The following PARD3 variants were observed in gnomAD, a reference collection of about 807,000 sequenced individuals.
PARD3 encodes the protein partitioning defective 3 homolog.
In PARD3, 75 loss-of-function variants were observed where a neutral mutation model predicts 155.4. That is an observed-to-expected ratio of 0.48 (90% CI 0.40 to 0.58). The LOEUF (loss-of-function observed/expected upper bound fraction) is 0.58, where lower values mean the gene tolerates loss of function less well. Among genes scored for constraint, PARD3 ranks in the 20% least tolerant of loss-of-function variants. The probability of loss-of-function intolerance (pLI) is 0.00; values close to 1 mark genes in which losing one functional copy is unlikely to be tolerated. For missense variants in PARD3, 1,642 were observed against 1,721.7 expected (o/e 0.95, Z 0.82); for synonymous variants, 576 against 610.5 (o/e 0.94, Z 0.83).
chr10:34,288,040 G>A (rs372470568), intron 20 of PARD3, among the ~76,000 whole-genome samples: 2 of 151,930 alleles, frequency 1.3e-5, no homozygotes, highest in African/African-American at 2.4e-5. Context: ...ATGAAACCCC[G>A]TCTCTACTAA....
intron 14 of PARD3, among the ~76,000 whole-genome samples, chr10:34,356,707 G>A (rs900757363): frequency 1.3e-5 from 2 of 152,194 alleles, no homozygotes; most frequent in Admixed American, 1.3e-4. Context: ...GTGCAAAGGA[G>A]AAGGTTTTCC....
At chr10:34,616,630 T>C (rs1029764043) in intron 2 of PARD3, among the ~76,000 whole-genome samples, 3 of 152,292 alleles carry the variant, frequency 2.0e-5, no homozygotes, top group Non-Finnish European at 1.5e-5. Flanking sequence ...TTCTCACTTG[T>C]ACATGGAAGC....
At chr10:34,674,408 G>A (rs2093664449) in intron 2 of PARD3, among the ~76,000 whole-genome samples, 1 of 152,018 alleles carries the variant, frequency 6.6e-6, no homozygotes, top group South Asian at 2.1e-4. Flanking sequence ...CTGCTCTGCG[G>A]GAGCAGCCAC....
intron 5 of PARD3, among the ~76,000 whole-genome samples, chr10:34,443,477 C>A (rs564413993): frequency 4.6e-5 from 7 of 152,106 alleles, no homozygotes; most frequent in Admixed American, 6.5e-5. Context: ...CAGTTCCATG[C>A]GGCTAGGGAG....
intron 20 of PARD3, among the ~76,000 whole-genome samples, chr10:34,311,439 G>T (rs1234052430): frequency 1.3e-5 from 2 of 152,106 alleles, no homozygotes; most frequent in African/African-American, 4.8e-5. Context: ...TACAGTCTCT[G>T]TCTCAAATCC....
intron 2 of PARD3, among the ~76,000 whole-genome samples, chr10:34,535,489 G>A (rs934310053): frequency 1.3e-5 from 2 of 152,044 alleles, no homozygotes; most frequent in African/African-American, 4.8e-5. Flanking sequence ...TATGTTTTGG[G>A]GTTTTGTTTC....
chr10:34,751,689 G>T (rs1332874016), intron 1 of PARD3, among the ~76,000 whole-genome samples: 1 of 151,668 alleles, frequency 6.6e-6, no homozygotes, highest in Non-Finnish European at 1.5e-5. Context: ...CTGCAGCCTC[G>T]ACTTCCCAGG....
chr10:34,530,661 G>C (rs1247075940), intron 2 of PARD3, among the ~76,000 whole-genome samples: 1 of 152,144 alleles, frequency 6.6e-6, no homozygotes, highest in African/African-American at 2.4e-5. Context: ...GTTGTCTCCA[G>C]CAAGAATTTG....
intron 2 of PARD3, among the ~76,000 whole-genome samples, chr10:34,528,751 C>G (rs535759704): frequency 5.2e-4 from 79 of 152,156 alleles, no homozygotes; most frequent in Non-Finnish European, 1.0e-3. Flanking sequence ...TAACACACAG[C>G]AGTTTAACTT....
At chr10:34,343,073 A>C (rs1252615101) in intron 15 of PARD3, among the ~76,000 whole-genome samples, 1 of 152,188 alleles carries the variant, frequency 6.6e-6, no homozygotes, top group Admixed American at 6.6e-5. Context: ...GTTCAGCAAA[A>C]GTGTCATTCA....
At chr10:34,617,864 A>AT (rs1039919113) in intron 2 of PARD3, among the ~76,000 whole-genome samples, 45 of 147,938 alleles carry the variant, frequency 3.0e-4, no homozygotes, top group African/African-American at 8.3e-4. Context: ...TTATACATTT[A>AT]TTTTTTTTTA....
intron 2 of PARD3, among the ~76,000 whole-genome samples, chr10:34,543,107 T>A (rs2083767053): frequency 6.6e-6 from 1 of 151,610 alleles, no homozygotes; most frequent in African/African-American, 2.4e-5. Context: ...AGGCTTTTTT[T>A]TTTCCAATTT....
rs1027315387 is a variant in PARD3 at position 34,287,254 on chromosome 10, A to G, written c.3066-3009T>C. The stretch of plus-strand genomic sequence containing the variant: ...GTATAAGTTCAAATTTTAATACATC[A>G]TTTTACTTATAATGAGGTATTCCGA... On this transcript the variant is annotated intron_variant, in intron 20 of 24. Transcript: ENST00000374788. 2.6e-5 allele frequency among the ~76,000 whole-genome samples: 4 copies of G among 152,262 alleles called. No homozygotes were observed. In the South Asian group the frequency reaches 8.3e-4, roughly 32 times the overall value.
intron 3 of PARD3, among the ~76,000 whole-genome samples, chr10:34,503,102 A>G (rs1458634631): frequency 6.6e-6 from 1 of 152,230 alleles, no homozygotes; most frequent in Non-Finnish European, 1.5e-5. Flanking sequence ...CTCATGTACT[A>G]CTTAGACAAA....
intron 1 of PARD3, among the ~76,000 whole-genome samples, chr10:34,698,511 C>G (rs2094215562): frequency 6.6e-6 from 1 of 152,168 alleles, no homozygotes; most frequent in South Asian, 2.1e-4. Flanking sequence ...ACCATCACAC[C>G]CCCAAAGCAG....
chr10:34,231,991 C>T (rs1245540823), intron 22 of PARD3, among the ~76,000 whole-genome samples: 3 of 151,962 alleles, frequency 2.0e-5, no homozygotes, highest in Non-Finnish European at 4.4e-5. Flanking sequence ...ACTTACATAC[C>T]AAGAGATAAT....
At chr10:34,339,637 G>A (rs1836583862) in intron 16 of PARD3, among the ~76,000 whole-genome samples, 1 of 152,088 alleles carries the variant, frequency 6.6e-6, no homozygotes. Context: ...ATTGATTAAT[G>A]GATTGAAAAT....
chr10:34,272,995 G>T (rs1582122), intron 21 of PARD3, among the ~76,000 whole-genome samples: 1 of 151,934 alleles, frequency 6.6e-6, no homozygotes, highest in African/African-American at 2.4e-5. Flanking sequence ...TAGGGAAACC[G>T]GGCTTCTCAT....
chr10:34,653,794 C>CAA (rs55894819), intron 2 of PARD3, among the ~76,000 whole-genome samples: 4,659 of 130,186 alleles, frequency 0.036, 127 homozygotes, highest in African/African-American at 0.079. Context: ...ACCTCGACTC[C>CAA]AAAAAAAAAA....
Sources: allele counts gnomAD v4.1 joint callset (sites outside exome capture counted in the v4.1 genomes callset), GRCh38; gene constraint gnomAD v4.1.1; transcripts MANE v1.5; gene names NCBI Gene and HGNC (gene_info 2026-07-23, HGNC 2026-07-21).